Variants in AOPEP observed in about 807,000 individuals in gnomAD.
AOPEP encodes the protein aminopeptidase O (putative).
AOPEP carries 77 observed loss-of-function variants against 98.1 expected under a neutral mutation model. That is an observed-to-expected ratio of 0.78 (90% CI 0.65 to 0.95). The LOEUF (loss-of-function observed/expected upper bound fraction) is 0.95. AOPEP is among the 40% of genes least tolerant of loss of function. The pLI, the probability that AOPEP is intolerant of heterozygous loss-of-function variation, is 0.00. For missense variants in AOPEP, 1,024 were observed against 1,024.7 expected, an observed-to-expected ratio of 1.00 and a Z score of 0.01; for synonymous variants, 346 against 365.3, an observed-to-expected ratio of 0.95 and a Z score of 0.60.
chr9:94,778,816 C>T (rs2133077555), intron 3 of AOPEP, among the ~76,000 whole-genome samples: 1 of 152,072 alleles, frequency 6.6e-6, no homozygotes, highest in South Asian at 2.1e-4. Context: ...TCACTTGAGG[C>T]CAGGAGTTCA....
chr9:95,139,722 A>G, the AOPEP span, among the ~76,000 whole-genome samples: 2 of 151,596 alleles, frequency 1.3e-5, no homozygotes, highest in Non-Finnish European at 2.9e-5. Flanking sequence ...TTTAACAAGC[A>G]TAAGGTATGG....
At chr9:94,994,138 C>T (rs2061071799) in intron 11 of AOPEP, among the ~76,000 whole-genome samples, 1 of 152,200 alleles carries the variant, frequency 6.6e-6, no homozygotes, top group African/African-American at 2.4e-5. Context: ...GGCAGTTGCT[C>T]TACAATTCTC....
Position 94,895,242 on chromosome 9 carries a change from A to AAT in AOPEP, c.1365-28743_1365-28742insTA, listed in dbSNP as rs200574258. Among the ~76,000 whole-genome samples the AAT allele has an allele frequency of 5.6e-3, 652 of 116,494 alleles. 11 individuals carry two copies. The East Asian group carries it at 0.064, about 11-fold the overall frequency. 76.4% of individuals were successfully genotyped at this position (116,494 alleles called of 152,430 possible). On this transcript the variant is annotated intron_variant, in intron 5 of 16. Transcript: ENST00000375315. The stretch of plus-strand genomic sequence containing the variant: ...ACTAAAAAAAAATAAAATAAAATAA[A>AAT]AAAAAAAAATAGCTGGGCATGGTGG...
intron 5 of AOPEP, among the ~76,000 whole-genome samples, chr9:94,873,910 T>C (rs898484724): frequency 6.6e-6 from 1 of 152,200 alleles, no homozygotes; most frequent in Non-Finnish European, 1.5e-5. Context: ...GAGAAGATTA[T>C]ACATCTTCTC....
At chr9:94,919,181 T>C (rs2053245881) in intron 5 of AOPEP, among the ~76,000 whole-genome samples, 1 of 152,104 alleles carries the variant, frequency 6.6e-6, no homozygotes. Context: ...CCCAAAGTTT[T>C]TCAGAATTTT....
chr9:95,032,743 A>G (rs536810897), intron 13 of AOPEP, among the ~76,000 whole-genome samples: 5 of 152,258 alleles, frequency 3.3e-5, no homozygotes, highest in Admixed American at 6.5e-5. Flanking sequence ...ATCAGTAGGT[A>G]AATACATGAC....
intron 14 of AOPEP, among the ~76,000 whole-genome samples, chr9:95,079,745 C>T (rs376627859): frequency 1.3e-5 from 2 of 152,178 alleles, no homozygotes; most frequent in African/African-American, 2.4e-5. Context: ...GGGTTCCTTC[C>T]GAATTCCTGC....
At chr9:95,106,746 G>A in the AOPEP span, among the ~76,000 whole-genome samples, 21 of 152,228 alleles carry the variant, frequency 1.4e-4, no homozygotes, top group African/African-American at 5.1e-4. Context: ...AGGAGGAGGA[G>A]AGCAGCACAC....
At chr9:95,107,910 A>G in the AOPEP span, among the ~76,000 whole-genome samples, 1 of 152,248 alleles carries the variant, frequency 6.6e-6, no homozygotes. Flanking sequence ...ATAAGTCTGC[A>G]GGTTGCTTTT....
intron 15 of AOPEP, 194 bp downstream of exon 15, chr9:95,080,974 T>C: frequency 1.7e-6 from 1 of 587,266 alleles, no homozygotes. Flanking sequence ...CTTTGAAGGA[T>C]TGAGTTGAGC....
chr9:95,101,809 A>G, the AOPEP span: 1 of 1,614,150 alleles, frequency 6.2e-7, no homozygotes, highest in Non-Finnish European at 8.5e-7. Context: ...TCTGGTCAAG[A>G]AAGCCAATGA....
chr9:94,838,999 C>A (rs2041961274), intron 5 of AOPEP, among the ~76,000 whole-genome samples: 1 of 150,068 alleles, frequency 6.7e-6, no homozygotes, highest in African/African-American at 2.5e-5. Context: ...CAACCGCTGC[C>A]TCCTGGGTTC....
chr9:94,946,695 A>C (rs1270020657), intron 7 of AOPEP, among the ~76,000 whole-genome samples: 3 of 152,038 alleles, frequency 2.0e-5, no homozygotes, highest in Non-Finnish European at 4.4e-5. Context: ...TCTTTTCCTG[A>C]CCAATAGGTC....
intron 1 of AOPEP, among the ~76,000 whole-genome samples, chr9:94,732,301 A>T (rs1293144248): frequency 1.3e-5 from 2 of 151,486 alleles, no homozygotes; most frequent in Non-Finnish European, 2.9e-5. Context: ...TTCATCAAGT[A>T]AGAATGGGTA....
intron 5 of AOPEP, among the ~76,000 whole-genome samples, chr9:94,862,678 T>A (rs1002096114): frequency 1.3e-5 from 2 of 152,166 alleles, no homozygotes; most frequent in Non-Finnish European, 2.9e-5. Flanking sequence ...GTCCTCCCTG[T>A]TTTTGGTTTC....
the AOPEP span, among the ~76,000 whole-genome samples, chr9:95,115,359 A>G: frequency 1.1e-4 from 17 of 151,772 alleles, no homozygotes; most frequent in African/African-American, 3.9e-4. Context: ...CTACCTACAC[A>G]CTCCTCCATC....
At chr9:95,085,755 A>C (rs1326042925) in intron 16 of AOPEP, among the ~76,000 whole-genome samples, 4 of 152,218 alleles carry the variant, frequency 2.6e-5, no homozygotes, top group Non-Finnish European at 5.9e-5. Context: ...ATCTGTCTGA[A>C]AGGTCAAATG....
At chr9:94,762,555 A>G (rs1242525713) in intron 2 of AOPEP, among the ~76,000 whole-genome samples, 2 of 152,244 alleles carry the variant, frequency 1.3e-5, no homozygotes, top group African/African-American at 2.4e-5. Context: ...CAGTAAATAT[A>G]TATGATCACA....
chr9:94,780,834 AG>A (rs1843089925), intron 3 of AOPEP, among the ~76,000 whole-genome samples: 1 of 152,236 alleles, frequency 6.6e-6, no homozygotes, highest in Non-Finnish European at 1.5e-5. Context: ...TTTCCATCAC[AG>A]TGACACATAG....
Sources: allele counts gnomAD v4.1 joint callset (sites outside exome capture counted in the v4.1 genomes callset), GRCh38; gene constraint gnomAD v4.1.1; transcripts MANE v1.5; gene names NCBI Gene and HGNC (gene_info 2026-07-23, HGNC 2026-07-21).